PLA2G5: variants seen among roughly 807,000 people sequenced by gnomAD.
The protein encoded by PLA2G5 is Ca2+-dependent phospholipase A2.
PLA2G5 carries 12 observed loss-of-function variants against 15.9 expected under a neutral mutation model. The ratio of observed to expected loss-of-function variants is 0.76; its 90% confidence interval spans 0.48 to 1.23. The LOEUF is 1.23. PLA2G5 is among the 50% of genes most tolerant of loss of function. The pLI is 0.00. For synonymous variants in PLA2G5, 71 were observed against 71.4 expected (o/e 0.99, Z 0.03); for missense variants, 169 against 177.1 (o/e 0.95, Z 0.26).
At chr1:20,067,598 G>T (rs2015104410), upstream of PLA2G5, among the ~76,000 whole-genome samples, 3 of 152,196 alleles carry the variant, frequency 2.0e-5, no homozygotes, top group Non-Finnish European at 4.4e-5. Flanking sequence ...TGAGGCAGGA[G>T]AATTCCTTGA....
At chr1:20,076,851 T>A (rs1038993940) in intron 1 of PLA2G5, 4 of 152,230 alleles carry the variant, frequency 2.6e-5, no homozygotes, top group African/African-American at 9.7e-5. Context: ...ATGGAAGACT[T>A]CCCGGAGGAG....
chr1:20,043,226 C>T lies in PLA2G5; in HGVS notation n.276+14517C>T, dbSNP rs71647142. 8.7e-3 allele frequency among the ~76,000 whole-genome samples: 1,317 copies of T among 152,030 alleles called. 10 individuals carry two copies. The highest frequency in any genetic ancestry group is 0.014 in the Non-Finnish European group (926 of 67,976). On this transcript the variant is annotated intron_variant and non_coding_transcript_variant, in intron 1 of 6. Transcript: ENST00000460175. Reference sequence around the variant, plus strand: ...AGGTATTGAGGACAAAAGAGTGTACCGGTTGGGCACCACAGGGTGGATAGG... The same window carrying T: ...AGGTATTGAGGACAAAAGAGTGTACTGGTTGGGCACCACAGGGTGGATAGG...
chr1:20,030,782 C>T (rs2012877029), intron 1 of PLA2G5, among the ~76,000 whole-genome samples: 1 of 152,190 alleles, frequency 6.6e-6, no homozygotes, highest in Admixed American at 6.5e-5. Context: ...TTTTACCAAG[C>T]ATACTGCCTG....
intron 1 of PLA2G5, among the ~76,000 whole-genome samples, chr1:20,033,957 T>A (rs2013106874): frequency 6.6e-6 from 1 of 151,898 alleles, no homozygotes; most frequent in African/African-American, 2.4e-5. Context: ...AAGCCCTTCT[T>A]TATGAAGGGA....
At chr1:20,078,360 AT>A (rs3841817) in intron 1 of PLA2G5, among the ~76,000 whole-genome samples, 22,185 of 151,630 alleles carry the variant, frequency 0.15, 2,350 homozygotes, top group African/African-American at 0.3. Flanking sequence ...GAGGCAAGGG[AT>A]TTTTTTTTCT....
chr1:20,050,227 T>A (rs2014117457), intron 1 of PLA2G5, among the ~76,000 whole-genome samples: 1 of 152,192 alleles, frequency 6.6e-6, no homozygotes, highest in Non-Finnish European at 1.5e-5. Context: ...CTCCTGGGTC[T>A]AAAAAGGACA....
At chr1:20,073,830 A>G (rs1340751060) in intron 1 of PLA2G5, among the ~76,000 whole-genome samples, 2 of 152,024 alleles carry the variant, frequency 1.3e-5, no homozygotes, top group Admixed American at 6.6e-5. Context: ...AGATCACACC[A>G]TTGCACTCCA....
rs565771817 is a variant in PLA2G5 at position 20,058,992 on chromosome 1, GGC to G, written n.277-638_277-637del. 2.4e-3 allele frequency among the ~76,000 whole-genome samples: 360 copies of G among 151,046 alleles called. 2 individuals carry two copies. Among genetic ancestry groups the G allele is most frequent in the African/African-American group, 7.4e-3 (305 of 41,090 alleles). On this transcript the variant is annotated intron_variant and non_coding_transcript_variant, in intron 1 of 6. Coordinates refer to the PLA2G5 transcript ENST00000460175. ...AGTTCAAGACCAACCTGGCCAACATGGCGAAACTCCATCTCTGCCAGAAAGAC... is the reference window on the plus strand; with the variant it reads ...AGTTCAAGACCAACCTGGCCAACATGGAAACTCCATCTCTGCCAGAAAGAC...
upstream of PLA2G5, chr1:20,068,973 C>G (rs749024485): frequency 2.0e-4 from 261 of 1,282,076 alleles, no homozygotes; most frequent in Non-Finnish European, 2.5e-4. Context: ...CAAAGAGGCC[C>G]AGAATTGGCA....
intron 1 of PLA2G5, among the ~76,000 whole-genome samples, chr1:20,055,921 G>A (rs1449006764): frequency 2.0e-5 from 3 of 152,154 alleles, no homozygotes; most frequent in African/African-American, 7.2e-5. Flanking sequence ...GATCAGAGAA[G>A]GTTCTCTAGG....
At chr1:20,072,406 T>C (rs1431837291) in intron 1 of PLA2G5, among the ~76,000 whole-genome samples, 1 of 152,108 alleles carries the variant, frequency 6.6e-6, no homozygotes, top group African/African-American at 2.4e-5. Context: ...GAATGATAAG[T>C]ACGTTAAGTT....
upstream of PLA2G5, among the ~76,000 whole-genome samples, chr1:20,066,742 C>T (rs1446952564): frequency 6.6e-6 from 1 of 152,068 alleles, no homozygotes; most frequent in Non-Finnish European, 1.5e-5. Context: ...CATGGTAGCT[C>T]ATGCCTATAA....
At chr1:20,039,256 G>A (rs1005382117) in intron 1 of PLA2G5, among the ~76,000 whole-genome samples, 21 of 152,182 alleles carry the variant, frequency 1.4e-4, no homozygotes, top group Non-Finnish European at 2.1e-4. Context: ...ATCTTATAAT[G>A]AGGGTCAACT....
intron 1 of PLA2G5, among the ~76,000 whole-genome samples, chr1:20,059,270 TA>T (rs2014585685): frequency 6.6e-6 from 1 of 151,900 alleles, no homozygotes; most frequent in South Asian, 2.1e-4. Context: ...TATTCTCTAC[TA>T]AAAAATATTA....
intron 2 of PLA2G5, among the ~76,000 whole-genome samples, chr1:20,059,887 G>A (rs1287629954): frequency 6.6e-6 from 1 of 152,222 alleles, no homozygotes; most frequent in Non-Finnish European, 1.5e-5. Context: ...GCTCCTTGTT[G>A]TGGTAGAAGC....
intron 1 of PLA2G5, among the ~76,000 whole-genome samples, chr1:20,075,623 G>A (rs771654629): frequency 2.3e-4 from 35 of 152,218 alleles, no homozygotes; most frequent in Non-Finnish European, 5.0e-4. Context: ...ATGGTGTGCA[G>A]CTTGTATTGG....
intron 1 of PLA2G5, among the ~76,000 whole-genome samples, chr1:20,050,812 A>G (rs551783555): frequency 4.7e-4 from 71 of 152,250 alleles, no homozygotes; most frequent in African/African-American, 1.6e-3. Context: ...ATATTTTACA[A>G]ACTTTCCAAA....
intron 2 of PLA2G5, among the ~76,000 whole-genome samples, chr1:20,060,486 C>CA (rs1267432646): frequency 6.6e-6 from 1 of 151,974 alleles, no homozygotes; most frequent in Non-Finnish European, 1.5e-5. Context: ...CTCCTGACCT[C>CA]AGGTGATCTG....
upstream of PLA2G5, among the ~76,000 whole-genome samples, chr1:20,068,694 G>T (rs187085297): frequency 6.6e-6 from 1 of 151,962 alleles, no homozygotes. Flanking sequence ...CAGCTGATCC[G>T]CCCACCTCGG....
Sources: gnomAD v4.1 joint callset for allele counts (sites outside exome capture counted in the v4.1 genomes callset) on GRCh38, gnomAD v4.1.1 for gene constraint, MANE v1.5 for transcripts, NCBI Gene and HGNC (gene_info 2026-07-23, HGNC 2026-07-21) for gene names.